Variants in ATP7A observed in about 807,000 individuals in gnomAD.
ATP7A encodes ATPase copper transporting alpha.
Under a neutral mutation model 83.5 loss-of-function variants are expected in ATP7A, and 7 were observed. That is an observed-to-expected ratio of 0.08 (90% CI 0.05 to 0.16). The LOEUF is 0.16. Ranked by LOEUF, ATP7A falls within the 10% of genes least tolerant of loss-of-function variation. ATP7A has a pLI of 1.00. For synonymous variants in ATP7A, 354 were observed against 395.2 expected, an observed-to-expected ratio of 0.90 and a Z score of 1.24; for missense variants, 940 against 1,120.8, an observed-to-expected ratio of 0.84 and a Z score of 2.30.
chrX:77,986,991 G>A (rs1271849816), intron 2 of ATP7A, among the ~76,000 whole-genome samples: 1 of 111,851 alleles, frequency 8.9e-6, no homozygotes, highest in Admixed American at 9.6e-5. Context: ...TAATTTTCAA[G>A]CCTCTTATCT....
intron 12 of ATP7A, among the ~76,000 whole-genome samples, chrX:78,018,068 G>A (rs1232777057): frequency 9.4e-6 from 1 of 106,643 alleles, no homozygotes; most frequent in Non-Finnish European, 1.9e-5. Flanking sequence ...GAGCCACCGC[G>A]CCCGGCCACC....
intron 11 of ATP7A, 26 bp downstream of exon 11, chrX:78,014,779 C>T (rs370674114): frequency 9.0e-7 from 1 of 1,112,152 alleles, no homozygotes; most frequent in African/African-American, 1.8e-5. Context: ...CTTCCCTCTT[C>T]TCTTTTTTTA....
Position 78,027,993 on chromosome X carries a change from GTATTTATTTATTTATT to G in ATP7A, c.2917-1227_2917-1212del, listed in dbSNP as rs201122491. On this transcript the variant is annotated intron_variant, in intron 14 of 22. Coordinates refer to ENST00000341514, the MANE Select transcript of ATP7A (RefSeq NM_000052.7). ...AAAGGATTGTTGGGAAGTTTTTTTG[GTATTTATTTATTTATT>G]TATTTATTTATTTATTTATTTATTT... Among the ~76,000 whole-genome samples the G allele has an allele frequency of 2.9e-3, 308 of 104,612 alleles. 4 individuals carry two copies. The highest frequency in any genetic ancestry group is 8.4e-4 in the South Asian group (2 of 2,387). The allele number at this position is 104,612 out of a possible 115,157, so 90.8% of individuals were successfully genotyped here. A position where few individuals can be genotyped will look rare whatever the true frequency, so the allele number is the denominator to read the frequency against.
Position 78,009,093 on chromosome X carries a change from C to G in ATP7A, c.1708-9C>G, listed in dbSNP as rs1557234077. 5 of 1,202,180 alleles carry G rather than the reference C, an allele frequency of 4.2e-6. No individual in the cohort carries two copies. The Admixed American group carries it at 8.9e-5, about 21-fold the overall frequency. On this transcript the variant is annotated splice_polypyrimidine_tract_variant and intron_variant, in intron 6 of 22. Coordinates refer to ENST00000341514, the MANE Select transcript of ATP7A (RefSeq NM_000052.7). ...TATTCCTGAAGAACAAATGCTTTGTCTTTAACAGGTGAGGGGAATGACGTG... is the reference window on the plus strand; with the variant it reads ...TATTCCTGAAGAACAAATGCTTTGTGTTTAACAGGTGAGGGGAATGACGTG...
intron 16 of ATP7A, among the ~76,000 whole-genome samples, chrX:78,032,768 T>C (rs1674920268): frequency 8.9e-6 from 1 of 111,963 alleles, no homozygotes; most frequent in Non-Finnish European, 1.9e-5. Context: ...ATTTATTTAT[T>C]TGTTCTTTCT....
At chrX:77,932,592 C>T (rs1050422125) in intron 1 of ATP7A, among the ~76,000 whole-genome samples, 1 of 112,448 alleles carries the variant, frequency 8.9e-6, no homozygotes, top group Non-Finnish European at 1.9e-5. Context: ...GCGATCACGC[C>T]ACTGCACTCC....
rs2077499636 is a variant in ATP7A at position 77,965,513 on chromosome X, GTA to G, written c.-21-6106_-21-6105del. The stretch of plus-strand genomic sequence containing the variant: ...ATGGGTAGAATAAAAAAGATAATAG[GTA>G]TCGGAGGTGGAACAATTGGGGCCCT... On this transcript the variant is annotated intron_variant, in intron 1 of 22. Transcript: ENST00000341514. 87 of 274,707 alleles carry G rather than the reference GTA, an allele frequency of 3.2e-4. 2 individuals are homozygous for G. The highest frequency in any genetic ancestry group is 3.1e-3 in the South Asian group (87 of 28,372). The allele number at this position is 274,707 out of a possible 1,213,427, so 22.6% of individuals were successfully genotyped here.
intron 7 of ATP7A, chrX:78,009,485 G>A: frequency 2.5e-6 from 1 of 404,946 alleles, no homozygotes. Context: ...CTATTAATCA[G>A]GAGCAAACAA....
At chrX:77,997,359 A>G (rs1557232665) in intron 4 of ATP7A, among the ~76,000 whole-genome samples, 1 of 111,916 alleles carries the variant, frequency 8.9e-6, no homozygotes, top group Non-Finnish European at 1.9e-5. Flanking sequence ...TTTAAGAGGC[A>G]TTAATATACT....
rs782360257 is a variant in ATP7A, at chrX:78,012,590, T to TA, written c.2173-269dup. Among the ~76,000 whole-genome samples, 657 of 81,302 alleles carry TA rather than the reference T, an allele frequency of 8.1e-3. 6 individuals carry two copies. The highest frequency in any genetic ancestry group is 0.023 in the African/African-American group (493 of 21,758). 70.6% of individuals were successfully genotyped at this position (81,302 alleles called of 115,157 possible). A position where few individuals can be genotyped will look rare whatever the true frequency, so the allele number is the denominator to read the frequency against. On this transcript the variant is annotated intron_variant, in intron 9 of 22. Transcript: ENST00000341514. ...TGGGCAACATATCAAGACTGTCTCT[T>TA]AAAAAAAAAAAAAAAAAAAAGGAAG...
intron 14 of ATP7A, among the ~76,000 whole-genome samples, chrX:78,028,258 G>A (rs1198423701): frequency 1.9e-5 from 2 of 107,574 alleles, no homozygotes; most frequent in Admixed American, 1.0e-4. Flanking sequence ...GCATGATCTC[G>A]GCTCACTGCA....
At chrX:78,006,534 G>A (rs953760742) in intron 6 of ATP7A, among the ~76,000 whole-genome samples, 11 of 111,542 alleles carry the variant, frequency 9.9e-5, no homozygotes, top group African/African-American at 2.6e-4. Flanking sequence ...CAACCCAGTG[G>A]TTTTTAGTAT....
chrX:78,001,900 C>T (rs944504033), intron 5 of ATP7A, among the ~76,000 whole-genome samples: 2 of 110,675 alleles, frequency 1.8e-5, no homozygotes, highest in Admixed American at 9.7e-5. Context: ...TAACAAGTTG[C>T]GTGGGACTTT....
At chrX:77,944,976 A>G (rs1374634915) in intron 1 of ATP7A, among the ~76,000 whole-genome samples, 11 of 109,155 alleles carry the variant, frequency 1.0e-4, no homozygotes, top group Non-Finnish European at 1.5e-4. Context: ...TCTGCCTCCC[A>G]AGTAGCTGGG....
intron 2 of ATP7A, among the ~76,000 whole-genome samples, chrX:77,986,284 G>A (rs1557231363): frequency 1.8e-5 from 2 of 110,862 alleles, no homozygotes; most frequent in African/African-American, 6.6e-5. Flanking sequence ...TCAAGCTAAA[G>A]GAAGAAATAA....
chrX:77,965,832 T>C (rs1158367449), intron 1 of ATP7A, among the ~76,000 whole-genome samples: 5 of 112,298 alleles, frequency 4.5e-5, no homozygotes, highest in Non-Finnish European at 9.4e-5. Flanking sequence ...TGTACTGATA[T>C]GTGCTGTAAC....
chrX:77,932,424 G>C (rs2077291985), intron 1 of ATP7A, among the ~76,000 whole-genome samples: 1 of 108,406 alleles, frequency 9.2e-6, no homozygotes, highest in South Asian at 4.1e-4. Context: ...TTCCAGACTG[G>C]GCAGCCAGGC....
chrX:77,990,086 G>GAGGTAGCC (rs1434056254), intron 4 of ATP7A, 128 bp downstream of exon 4: 10 of 855,297 alleles, frequency 1.2e-5, no homozygotes, highest in Non-Finnish European at 1.7e-5. Flanking sequence ...ATGTCCTATG[G>GAGGTAGCC]AGGTAGCCAG....
intron 12 of ATP7A, among the ~76,000 whole-genome samples, chrX:78,018,255 A>G (rs1370568489): frequency 1.9e-5 from 2 of 107,824 alleles, no homozygotes; most frequent in Non-Finnish European, 1.9e-5. Context: ...CTGTAATCCC[A>G]GCACTTTGGG....
Sources: allele counts gnomAD v4.1 joint callset (sites outside exome capture counted in the v4.1 genomes callset), GRCh38; gene constraint gnomAD v4.1.1; transcripts MANE v1.5; gene names NCBI Gene and HGNC (gene_info 2026-07-23, HGNC 2026-07-21).